DPP10: variants seen among roughly 807,000 people sequenced by gnomAD.
The protein encoded by DPP10 is dipeptidyl peptidase like 10.
A neutral mutation model predicts 120.9 loss-of-function variants in DPP10; 33 were observed. The ratio of observed to expected loss-of-function variants is 0.27; its 90% CI spans 0.21 to 0.37. The LOEUF (loss-of-function observed/expected upper bound fraction) is 0.37. Among genes scored for constraint, DPP10 ranks in the 10% least tolerant of loss-of-function variants. The pLI is 1.00. For synonymous variants in DPP10, 337 were observed against 326.1 expected (o/e 1.03, Z -0.36); for missense variants, 816 against 942.8 (o/e 0.87, Z 1.76).
At chr2:114,561,809 C>T (rs558056286) in intron 1 of DPP10, among the ~76,000 whole-genome samples, 1 of 152,278 alleles carries the variant, frequency 6.6e-6, no homozygotes, top group African/African-American at 2.4e-5. Context: ...TGAAGCTGCA[C>T]CTGTTATAAA....
chr2:115,747,513 G>C (rs1052047788), intron 10 of DPP10, among the ~76,000 whole-genome samples: 9 of 151,802 alleles, frequency 5.9e-5, no homozygotes, highest in African/African-American at 2.2e-4. Context: ...GACTAGGAGT[G>C]CTTGAGTCAC....
chr2:115,484,331 T>C (rs922108322), intron 3 of DPP10, among the ~76,000 whole-genome samples: 3 of 151,988 alleles, frequency 2.0e-5, no homozygotes, highest in African/African-American at 7.2e-5. Flanking sequence ...AATAGATCTG[T>C]GGTTTGTGTC....
At chr2:114,576,335 A>G (rs778110247) in intron 1 of DPP10, among the ~76,000 whole-genome samples, 1 of 152,230 alleles carries the variant, frequency 6.6e-6, no homozygotes, top group African/African-American at 2.4e-5. Context: ...TGTTTGTGTC[A>G]CTACCTGTGG....
chr2:114,459,373 C>T (rs771581158), intron 1 of DPP10, among the ~76,000 whole-genome samples: 16 of 152,072 alleles, frequency 1.1e-4, no homozygotes, highest in Non-Finnish European at 2.2e-4. Context: ...AGTCAGTGGT[C>T]CATGCTATTA....
At chr2:115,007,900 A>G (rs993627187) in intron 1 of DPP10, among the ~76,000 whole-genome samples, 1 of 152,120 alleles carries the variant, frequency 6.6e-6, no homozygotes, top group Admixed American at 6.6e-5. Context: ...AAGGAGAACT[A>G]GAAACCGCTG....
chr2:115,467,724 A>G (rs1305889172), intron 3 of DPP10, among the ~76,000 whole-genome samples: 1 of 152,242 alleles, frequency 6.6e-6, no homozygotes, highest in African/African-American at 2.4e-5. Context: ...CTGAAAAATT[A>G]TTATTAGAAT....
At position 115,563,423 on chromosome 2, in the gene DPP10, C is replaced by T. The variant is rs190031612; in HGVS notation, c.441+37451C>T. On this transcript the variant is annotated intron_variant, in intron 5 of 25. Transcript: ENST00000410059. ...TTTTCTGATCCGAAAAGAGCAAAAG[C>T]CCCTGCACTCGAGAGAGCTGTTACA... Among the ~76,000 whole-genome samples, 68 of 152,102 alleles carry T rather than the reference C, an allele frequency of 4.5e-4. 2 individuals are homozygous for T. The East Asian group carries it at 0.013, about 29-fold the overall frequency.
intron 3 of DPP10, among the ~76,000 whole-genome samples, chr2:115,458,038 A>G (rs1202296352): frequency 6.6e-6 from 1 of 152,214 alleles, no homozygotes; most frequent in Non-Finnish European, 1.5e-5. Context: ...TATGCTGATT[A>G]AAAGAAGCAT....
intron 1 of DPP10, among the ~76,000 whole-genome samples, chr2:114,948,864 A>C (rs1417156321): frequency 6.6e-6 from 1 of 152,150 alleles, no homozygotes; most frequent in Non-Finnish European, 1.5e-5. Context: ...GCAAAGGAGA[A>C]GCAAGCACCT....
chr2:114,917,598 G>A (rs946083673), intron 1 of DPP10, among the ~76,000 whole-genome samples: 1 of 152,032 alleles, frequency 6.6e-6, no homozygotes, highest in Non-Finnish European at 1.5e-5. Context: ...TGGTATTTGT[G>A]TAAAAACAGA....
chr2:114,612,674 C>T (rs1164836092), intron 1 of DPP10, among the ~76,000 whole-genome samples: 2 of 151,938 alleles, frequency 1.3e-5, no homozygotes, highest in Admixed American at 6.6e-5. Flanking sequence ...AATAAATCAC[C>T]GAAAAACTTG....
chr2:115,414,405 T>A (rs1278576580), intron 3 of DPP10, among the ~76,000 whole-genome samples: 1 of 152,180 alleles, frequency 6.6e-6, no homozygotes, highest in Non-Finnish European at 1.5e-5. Context: ...CCATCATCTT[T>A]TATCTCAACA....
intron 1 of DPP10, among the ~76,000 whole-genome samples, chr2:114,821,763 C>T (rs974912823): frequency 4.6e-5 from 7 of 152,122 alleles, no homozygotes; most frequent in Non-Finnish European, 1.0e-4. Context: ...GTCCAAAATC[C>T]AATAGGGTAG....
intron 1 of DPP10, among the ~76,000 whole-genome samples, chr2:115,081,126 A>ATGGGAT (rs1708241065): frequency 6.6e-6 from 1 of 152,084 alleles, no homozygotes. Flanking sequence ...ATTATCTTGC[A>ATGGGAT]TGGGATTTGT....
intron 1 of DPP10, among the ~76,000 whole-genome samples, chr2:115,297,751 A>C (rs540158290): frequency 6.6e-6 from 1 of 152,202 alleles, no homozygotes; most frequent in Non-Finnish European, 1.5e-5. Flanking sequence ...GCAGAACTTT[A>C]GTTCTAGGCA....
intron 1 of DPP10, among the ~76,000 whole-genome samples, chr2:114,942,799 C>T (rs983139483): frequency 1.3e-5 from 2 of 152,016 alleles, no homozygotes; most frequent in African/African-American, 4.8e-5. Context: ...TGAGCAATTA[C>T]TTAGAAACAC....
intron 1 of DPP10, among the ~76,000 whole-genome samples, chr2:115,242,986 T>C (rs1240061994): frequency 6.6e-6 from 1 of 151,772 alleles, no homozygotes; most frequent in Non-Finnish European, 1.5e-5. Flanking sequence ...CTATCACTCA[T>C]GTTAAATTCT....
At chr2:114,925,717 G>A (rs527989399) in intron 1 of DPP10, among the ~76,000 whole-genome samples, 3 of 152,228 alleles carry the variant, frequency 2.0e-5, no homozygotes, top group South Asian at 2.1e-4. Context: ...CTATCTCCCC[G>A]AGAGCCCTGT....
At chr2:114,755,880 A>C (rs1041130182) in intron 1 of DPP10, among the ~76,000 whole-genome samples, 4 of 151,932 alleles carry the variant, frequency 2.6e-5, no homozygotes, top group Non-Finnish European at 5.9e-5. Flanking sequence ...AGACCAATTG[A>C]AGTCAATATT....
Sources: gnomAD v4.1 joint callset for allele counts (sites outside exome capture counted in the v4.1 genomes callset) on GRCh38, gnomAD v4.1.1 for gene constraint, MANE v1.5 for transcripts, NCBI Gene and HGNC (gene_info 2026-07-23, HGNC 2026-07-21) for gene names.